RAPH1: variants seen among roughly 807,000 people sequenced by gnomAD.
RAPH1 encodes Ras association (RalGDS/AF-6) and pleckstrin homology domains 1, also known as ras-associated and pleckstrin homology domains-containing protein 1.
A neutral mutation model predicts 88.1 loss-of-function variants in RAPH1; 18 were observed. That is an observed-to-expected ratio of 0.20 (90% confidence interval 0.14 to 0.30). The LOEUF (loss-of-function observed/expected upper bound fraction) is 0.30. Ranked by LOEUF, RAPH1 falls within the 10% of genes least tolerant of loss-of-function variation. The probability of loss-of-function intolerance (pLI) is 1.00; values close to 1 mark genes in which losing one functional copy is unlikely to be tolerated. For missense variants in RAPH1, 1,448 were observed against 1,543.2 expected (o/e 0.94, Z 1.03); for synonymous variants, 587 against 559.0 (o/e 1.05, Z -0.71).
Position 203,489,795 on chromosome 2 carries a change from G to T in RAPH1, c.521C>A (p.Ser174Tyr). ...SLSMDEAAQQ[S>Y]VLEDTKPLVT... is the part of the protein sequence containing the mutation. ...TAAGGGTTTAGTATCTTCTAGTACA[G>T]ATTGCTGAGCAGCCTCATCCATACT... Residue 174 changes from serine (S) to tyrosine (Y), a missense_variant, in exon 4 of 14, where the codon TCT becomes TAT. Ser to Tyr is a moderately radical substitution (Grantham distance 144). This residue lies in a region of RAPH1 where 513 missense variants were observed against 653.1 expected (regional missense o/e 0.79). Coordinates refer to ENST00000319170, the MANE Select transcript of RAPH1 (RefSeq NM_213589.3). The T allele has an allele frequency of 6.2e-7, 1 of 1,614,242 alleles. No individual in the cohort carries two copies. The highest frequency in any genetic ancestry group is 1.1e-5 in the South Asian group (1 of 91,088).
At position 203,438,352 on chromosome 2, in the gene RAPH1, C is replaced by T. The variant is rs912119162; in HGVS notation, c.*1085G>A. The T allele has an allele frequency of 6.0e-6, 2 of 332,334 alleles. No individual in the cohort carries two copies. Among genetic ancestry groups the T allele is most frequent in the Admixed American group, 4.2e-5 (1 of 23,604 alleles). The allele number at this position is 332,334 out of a possible 1,614,324, so 20.6% of individuals were successfully genotyped here. A position where few individuals can be genotyped will look rare whatever the true frequency, so the allele number is the denominator to read the frequency against. The stretch of plus-strand genomic sequence containing the variant: ...CCCTTCCCTTCTATAGAGCAATGCT[C>T]AAAAAATGCATTTTAGAAAATGATT... On this transcript the variant is annotated 3_prime_UTR_variant, in exon 14 of 14. Coordinates refer to ENST00000319170, the MANE Select transcript of RAPH1 (RefSeq NM_213589.3).
chr2:203,491,478 G>A (rs1018892344), intron 2 of RAPH1, among the ~76,000 whole-genome samples, 159 bp from the exon 3 acceptor site: 1 of 152,088 alleles, frequency 6.6e-6, no homozygotes, highest in Non-Finnish European at 1.5e-5. Context: ...AATTGTATTT[G>A]ACATTATTAT....
intron 4 of RAPH1, among the ~76,000 whole-genome samples, chr2:203,486,093 C>CA (rs59599120): frequency 0.53 from 64,546 of 121,624 alleles, 16,347 homozygotes; most frequent in Middle Eastern, 0.73. Flanking sequence ...CTGAAGACTA[C>CA]AAAAAAAAAA....
At position 203,436,112 on chromosome 2, in the gene RAPH1, A is replaced by G. The variant is rs2098498277; in HGVS notation, c.*3325T>C. On this transcript the variant is annotated 3_prime_UTR_variant, in exon 14 of 14. Coordinates refer to ENST00000319170, the MANE Select transcript of RAPH1 (RefSeq NM_213589.3). ...AACTCAGCGTTGTTTGTTTTCAGTG[A>G]CAAGAAAACATACATGGAAAGGGGA... 1 of 152,206 alleles carries G rather than the reference A, an allele frequency of 6.6e-6. No individual in the cohort carries two copies. Among genetic ancestry groups the G allele is most frequent in the Non-Finnish European group, 1.5e-5 (1 of 68,034 alleles). 9.4% of individuals were successfully genotyped at this position (152,206 alleles called of 1,614,324 possible).
chr2:203,457,939 T>G (rs750673942), intron 7 of RAPH1, among the ~76,000 whole-genome samples: 12 of 152,360 alleles, frequency 7.9e-5, no homozygotes, highest in Non-Finnish European at 1.3e-4. Context: ...TAGAAATTCA[T>G]AAGTACAACA....
Position 203,440,080 on chromosome 2 carries a change from A to G in RAPH1, c.3110T>C (p.Leu1037Pro), listed in dbSNP as rs1265886865. 1 of 1,613,534 alleles carries G rather than the reference A, an allele frequency of 6.2e-7. No individual in the cohort carries two copies. Among genetic ancestry groups the G allele is most frequent in the Non-Finnish European group, 8.5e-7 (1 of 1,179,984 alleles). ...PGKLNLSGVN[L>P]PGVLQQGCVS... is the part of the protein sequence containing the mutation. ...ACACCCTTGTTGGAGAACTCCAGGA[A>G]GGTTGACTCCAGAAAGATTGAGTTT... The change falls in exon 14 of 14, where the codon CTT becomes CCT. Residue 1037 changes from leucine (L) to proline (P), a missense_variant. Leu to Pro is a moderately conservative substitution (Grantham distance 98). Coordinates refer to ENST00000319170, the MANE Select transcript of RAPH1 (RefSeq NM_213589.3).
At chr2:203,488,921 C>T (rs1050095624) in intron 4 of RAPH1, among the ~76,000 whole-genome samples, 18 of 151,666 alleles carry the variant, frequency 1.2e-4, no homozygotes, top group African/African-American at 3.9e-4. Context: ...GTCAGGAGTT[C>T]GAGACCAGCC....
At chr2:203,444,656 G>C (rs1292649004) in intron 13 of RAPH1, 1 of 433,868 alleles carries the variant, frequency 2.3e-6, no homozygotes, top group African/African-American at 2.0e-5. Flanking sequence ...AGTCATTAGA[G>C]CCAATTTGTA....
chr2:203,494,875 G>A, intron 2 of RAPH1, among the ~76,000 whole-genome samples: 1 of 151,006 alleles, frequency 6.6e-6, no homozygotes, highest in East Asian at 1.9e-4. Flanking sequence ...AATTATTTAT[G>A]TTGAAAATGT....
At chr2:203,454,965 A>G (rs1485386563) in intron 9 of RAPH1, among the ~76,000 whole-genome samples, 3 of 152,248 alleles carry the variant, frequency 2.0e-5, no homozygotes, top group African/African-American at 4.8e-5. Context: ...TAGGGGCAAC[A>G]ATATATGCTC....
At chr2:203,489,139 G>A (rs1415370891) in intron 4 of RAPH1, among the ~76,000 whole-genome samples, 17 of 145,240 alleles carry the variant, frequency 1.2e-4, no homozygotes, top group Non-Finnish European at 1.4e-4. Context: ...CCATCTCAAA[G>A]AAAAAAAAAG....
intron 4 of RAPH1, among the ~76,000 whole-genome samples, chr2:203,478,256 A>C (rs1229703141): frequency 1.3e-5 from 2 of 151,892 alleles, no homozygotes; most frequent in Non-Finnish European, 2.9e-5. Context: ...GGATGGTCTC[A>C]ATCTCCTGAC....
intron 1 of RAPH1, among the ~76,000 whole-genome samples, chr2:203,523,494 G>A (rs906900598): frequency 7.9e-5 from 12 of 151,412 alleles, no homozygotes; most frequent in African/African-American, 1.2e-4. Context: ...CAGAGGGCTC[G>A]ATATCACTCA....
At chr2:203,484,745 A>G (rs997975136) in intron 4 of RAPH1, among the ~76,000 whole-genome samples, 1 of 152,242 alleles carries the variant, frequency 6.6e-6, no homozygotes, top group African/African-American at 2.4e-5. Context: ...TTGAAAACAC[A>G]TTTAAGAAAG....
chr2:203,529,837 C>T (rs1225524695), intron 1 of RAPH1, among the ~76,000 whole-genome samples: 6 of 152,166 alleles, frequency 3.9e-5, no homozygotes, highest in Non-Finnish European at 8.8e-5. Context: ...TTTTTCTTCT[C>T]ATCTAAAGGG....
In RAPH1 at chr2:203,439,282, G is replaced by C; in HGVS notation, c.*155C>G. 1 of 639,650 alleles carries C rather than the reference G, an allele frequency of 1.6e-6. No homozygotes were observed. The highest frequency in any genetic ancestry group is 2.7e-6 in the Non-Finnish European group (1 of 364,556). 39.6% of individuals were successfully genotyped at this position (639,650 alleles called of 1,614,324 possible). ...ATATACACACACTGTACAGCTGTGT[G>C]TACATGCACGTGTACACACACACAT... On this transcript the variant is annotated 3_prime_UTR_variant, in exon 14 of 14. Transcript: ENST00000319170.
At chr2:203,491,522 GCTTA>G (rs1242777743) in intron 2 of RAPH1, among the ~76,000 whole-genome samples, 1 of 152,070 alleles carries the variant, frequency 6.6e-6, no homozygotes, top group Non-Finnish European at 1.5e-5. Context: ...TTAGATATAT[GCTTA>G]CTTTTTTTTT....
intron 1 of RAPH1, among the ~76,000 whole-genome samples, chr2:203,526,788 T>C (rs1282392948): frequency 6.8e-6 from 1 of 147,878 alleles, no homozygotes; most frequent in Non-Finnish European, 1.5e-5. Context: ...ATTTTTCTTT[T>C]TCTTTTTTTT....
At chr2:203,523,501 C>T (rs548331427) in intron 1 of RAPH1, among the ~76,000 whole-genome samples, 1 of 151,448 alleles carries the variant, frequency 6.6e-6, no homozygotes, top group East Asian at 1.9e-4. Context: ...CTCGATATCA[C>T]TCATAAACAA....
Sources: gnomAD v4.1 joint callset for allele counts (sites outside exome capture counted in the v4.1 genomes callset) on GRCh38, gnomAD v4.1.1 for gene constraint, gnomAD v4.1.1 regional missense constraint, MANE v1.5 for transcripts, NCBI Gene and HGNC (gene_info 2026-07-23, HGNC 2026-07-21) for gene names.